PCDHGA5: variants seen among roughly 807,000 people sequenced by gnomAD.
PCDHGA5 encodes the protein protocadherin gamma-A5.
PCDHGA5 carries 36 observed loss-of-function variants against 56.7 expected under a neutral mutation model. That is an observed-to-expected ratio of 0.64 (90% CI 0.49 to 0.84). PCDHGA5 has a LOEUF of 0.84. PCDHGA5 is among the 40% of genes least tolerant of loss of function. PCDHGA5 has a pLI of 0.00. For missense variants in PCDHGA5, 1,305 were observed against 1,201.5 expected (o/e 1.09, Z -1.27); for synonymous variants, 563 against 520.2 (o/e 1.08, Z -1.12).
chr5:141,407,970 C>T, intron 1 of PCDHGA5: 2 of 716,252 alleles, frequency 2.8e-6, no homozygotes, highest in Non-Finnish European at 4.3e-6. Context: ...CAAGCGCTGA[C>T]GCCGGGGATC....
Position 141,476,605 on chromosome 5 carries a change from T to C in PCDHGA5, c.2422-18202T>C, listed in dbSNP as rs1394742940. ...CGCTCGAGAGCGCGCACGATCCCGATGTGGGAAGCAACTCTTTACAAACCT... is the reference window on the plus strand; with the variant it reads ...CGCTCGAGAGCGCGCACGATCCCGACGTGGGAAGCAACTCTTTACAAACCT... On this transcript the variant is annotated intron_variant, in intron 1 of 3. Transcript: ENST00000518069. This position sits in a 1 kb window ranked among gnomAD's most constrained non-coding sequence, Gnocchi z 7.6. 1.9e-6 allele frequency: 3 copies of C among 1,614,066 alleles called. No individual in the cohort carries two copies. In the East Asian group the frequency reaches 6.7e-5, roughly 36 times the overall value.
At chr5:141,423,836 GATA>G (rs752488755) in intron 1 of PCDHGA5, 23 of 1,275,246 alleles carry the variant, frequency 1.8e-5, no homozygotes, top group Non-Finnish European at 2.1e-5. Context: ...ATGAGATTAC[GATA>G]ATCTTTCAGA....
chr5:141,418,125 G>A (rs765373450), intron 1 of PCDHGA5: 2 of 1,614,086 alleles, frequency 1.2e-6, no homozygotes, highest in Middle Eastern at 1.7e-4. Flanking sequence ...GTGAAGGACC[G>A]AATAGACCGT....
In PCDHGA5 at chr5:141,477,073, G is replaced by A. The variant is rs755445666; in HGVS notation, c.2422-17734G>A. The A allele has an allele frequency of 1.2e-6, 2 of 1,614,264 alleles. No homozygotes were observed. The highest frequency in any genetic ancestry group is 2.2e-5 in the East Asian group (1 of 44,882). On this transcript the variant is annotated intron_variant, in intron 1 of 3. Coordinates refer to ENST00000518069, the MANE Select transcript of PCDHGA5 (RefSeq NM_018918.3). This position sits in a 1 kb window ranked among gnomAD's most constrained non-coding sequence, Gnocchi z 4.9. ...ACTTCGAGGACACCAAACTCCATGA[G>A]ATTTACATCCAGGCCAAAGACAAGG...
intron 1 of PCDHGA5, chr5:141,392,761 A>G (rs1341541753): frequency 1.6e-5 from 24 of 1,476,812 alleles, no homozygotes; most frequent in Non-Finnish European, 2.1e-5. Flanking sequence ...AAACTAAATA[A>G]GACCCATTTA....
In PCDHGA5 at chr5:141,459,352, C is replaced by T. The variant is rs111826527; in HGVS notation, c.2422-35455C>T. On this transcript the variant is annotated intron_variant, in intron 1 of 3. Coordinates refer to ENST00000518069, the MANE Select transcript of PCDHGA5 (RefSeq NM_018918.3). Reference sequence around the variant, plus strand: ...TACTCCAAAGTTCTTGAAATTCATTCATGTTCCTGTGTGTATCAGCAGCGT... The same window carrying T: ...TACTCCAAAGTTCTTGAAATTCATTTATGTTCCTGTGTGTATCAGCAGCGT... 1.4e-4 allele frequency among the ~76,000 whole-genome samples: 21 copies of T among 152,304 alleles called. No homozygotes were observed. The East Asian group carries it at 3.7e-3, about 27-fold the overall frequency.
intron 1 of PCDHGA5, among the ~76,000 whole-genome samples, chr5:141,455,439 C>T (rs966470257): frequency 1.3e-5 from 2 of 152,126 alleles, no homozygotes; most frequent in East Asian, 1.9e-4. Context: ...AGGAGGTCCC[C>T]ATCTACCGCG....
intron 1 of PCDHGA5, chr5:141,413,826 C>G (rs1363449): frequency 6.2e-7 from 1 of 1,613,180 alleles, no homozygotes; most frequent in Non-Finnish European, 8.5e-7. Flanking sequence ...TGGTCCTCAC[C>G]GCCTCCGACG....
Position 141,384,133 on chromosome 5 carries a change from C to T in PCDHGA5, c.2421+17382C>T, listed in dbSNP as rs770731491. 9.3e-6 allele frequency: 15 copies of T among 1,611,570 alleles called. No individual in the cohort carries two copies. Among genetic ancestry groups the T allele is most frequent in the Admixed American group, 1.7e-5 (1 of 59,646 alleles). On this transcript the variant is annotated intron_variant, in intron 1 of 3. Coordinates refer to ENST00000518069, the MANE Select transcript of PCDHGA5 (RefSeq NM_018918.3). ...ATTGGTCACAACCAAAAACTTGGAC[C>T]GGGAAACACTCTCTTTGTATAACAT... is the stretch of plus-strand genomic sequence containing the variant.
rs768079276 is a variant in PCDHGA5, at chr5:141,490,997, G to A, written c.2422-3810G>A. On this transcript the variant is annotated intron_variant, in intron 1 of 3. Transcript: ENST00000518069. The surrounding 1 kb of genome is among the most constrained non-coding windows in gnomAD (Gnocchi z 5.4). ...CGTCTCCCTCGCTCTGCTCCTCCTG[G>A]CTCCTTGGTCACCAAGGTGACAGCC... 1.2e-6 allele frequency: 2 copies of A among 1,614,032 alleles called. No individual in the cohort carries two copies. Among genetic ancestry groups the A allele is most frequent in the Admixed American group, 1.7e-5 (1 of 60,030 alleles).
chr5:141,419,361 T>C, intron 1 of PCDHGA5: 1 of 1,613,794 alleles, frequency 6.2e-7, no homozygotes, highest in Non-Finnish European at 8.5e-7. Context: ...TCACGAACGC[T>C]GTCGTCCTAC....
At chr5:141,434,843 G>C (rs1302739038) in intron 1 of PCDHGA5, among the ~76,000 whole-genome samples, 2 of 151,746 alleles carry the variant, frequency 1.3e-5, no homozygotes, top group African/African-American at 4.8e-5. Flanking sequence ...TTATAAAGCA[G>C]ACATCAATAA....
At chr5:141,488,546 G>A (rs2099676755) in intron 1 of PCDHGA5, among the ~76,000 whole-genome samples, 1 of 152,188 alleles carries the variant, frequency 6.6e-6, no homozygotes, top group African/African-American at 2.4e-5. Context: ...TCCCATGTCA[G>A]CTGACATTGA....
chr5:141,427,764 T>C (rs1239199764), intron 1 of PCDHGA5: 4 of 1,383,480 alleles, frequency 2.9e-6, no homozygotes, highest in Non-Finnish European at 4.1e-6. Context: ...TACCACTGAC[T>C]TGGAGCTGCG....
chr5:141,478,414 C>T, intron 1 of PCDHGA5: 1 of 1,613,630 alleles, frequency 6.2e-7, no homozygotes, highest in Non-Finnish European at 8.5e-7. Context: ...CCACGGACTC[C>T]CGCCGCAGCG....
chr5:141,499,457 T>G (rs1000400491), intron 2 of PCDHGA5, among the ~76,000 whole-genome samples: 1 of 152,214 alleles, frequency 6.6e-6, no homozygotes, highest in African/African-American at 2.4e-5. Context: ...CCCATCATTT[T>G]ACAATCTAGG....
intron 1 of PCDHGA5, chr5:141,403,387 C>T: frequency 6.2e-7 from 1 of 1,614,042 alleles, no homozygotes; most frequent in Non-Finnish European, 8.5e-7. Context: ...TTAACGAAAT[C>T]GCGGTTCCTG....
At chr5:141,393,707 T>TG in intron 1 of PCDHGA5, 2 of 1,613,882 alleles carry the variant, frequency 1.2e-6, no homozygotes, top group South Asian at 2.2e-5. Context: ...ATGAAAATAC[T>TG]GGGGAAATAT....
chr5:141,415,078 GC>G (rs2095826068), intron 1 of PCDHGA5: 1 of 1,613,376 alleles, frequency 6.2e-7, no homozygotes, highest in Non-Finnish European at 8.5e-7. Flanking sequence ...CACGGCGCGA[GC>G]CCTGCTGGAC....
Sources: allele counts gnomAD v4.1 joint callset (sites outside exome capture counted in the v4.1 genomes callset), GRCh38; gene constraint gnomAD v4.1.1; non-coding constraint Gnocchi (gnomAD v3.1); transcripts MANE v1.5; gene names NCBI Gene and HGNC (gene_info 2026-07-23, HGNC 2026-07-21).